ERC2: variants seen among roughly 807,000 people sequenced by gnomAD.
ERC2 encodes ERC protein 2.
Under a neutral mutation model 114.8 loss-of-function variants are expected in ERC2, and 42 were observed. That is an observed-to-expected ratio of 0.37 (90% CI 0.29 to 0.47). The LOEUF (loss-of-function observed/expected upper bound fraction) is 0.47. Among genes scored for constraint, ERC2 ranks in the 20% least tolerant of loss-of-function variants. The pLI is 0.99. For synonymous variants in ERC2, 454 were observed against 425.5 expected (o/e 1.07, Z -0.82); for missense variants, 939 against 1,150.7 (o/e 0.82, Z 2.66).
chr3:55,728,859 G>T (rs775920448), intron 15 of ERC2, among the ~76,000 whole-genome samples: 13 of 152,184 alleles, frequency 8.5e-5, no homozygotes, highest in Non-Finnish European at 1.5e-4. Flanking sequence ...TTTGTCATCA[G>T]CCCTACTCCC....
chr3:55,629,020 G>C (rs1350541892), intron 17 of ERC2, among the ~76,000 whole-genome samples: 1 of 152,146 alleles, frequency 6.6e-6, no homozygotes, highest in Non-Finnish European at 1.5e-5. Flanking sequence ...TTGGGACTAA[G>C]AAGCAGAGAT....
At chr3:55,912,064 G>C (rs1158893880) in intron 13 of ERC2, among the ~76,000 whole-genome samples, 2 of 152,176 alleles carry the variant, frequency 1.3e-5, no homozygotes, top group Non-Finnish European at 2.9e-5. Flanking sequence ...AATCAGGAAG[G>C]CTGTATGAGT....
At chr3:55,689,540 T>A (rs2062522931) in intron 16 of ERC2, among the ~76,000 whole-genome samples, 2 of 152,198 alleles carry the variant, frequency 1.3e-5, no homozygotes, top group Admixed American at 1.3e-4. Context: ...CGCTCCTTCA[T>A]CGATCAGTCA....
intron 6 of ERC2, among the ~76,000 whole-genome samples, chr3:56,123,378 T>C (rs1401415247): frequency 6.6e-6 from 1 of 151,740 alleles, no homozygotes; most frequent in Non-Finnish European, 1.5e-5. Context: ...ACCAGAAAAC[T>C]GGCACTCCCC....
At chr3:56,340,762 A>G (rs1022655935) in intron 2 of ERC2, among the ~76,000 whole-genome samples, 26 of 152,308 alleles carry the variant, frequency 1.7e-4, no homozygotes, top group African/African-American at 5.8e-4. Flanking sequence ...CTCAACAGAC[A>G]TCTTCCTTTA....
intron 13 of ERC2, among the ~76,000 whole-genome samples, chr3:55,917,235 T>C (rs2065150825): frequency 6.6e-6 from 1 of 152,170 alleles, no homozygotes; most frequent in African/African-American, 2.4e-5. Flanking sequence ...ATACACTTTC[T>C]AACAAGATTT....
chr3:55,914,232 T>C (rs775378967), intron 13 of ERC2, among the ~76,000 whole-genome samples: 2 of 152,166 alleles, frequency 1.3e-5, no homozygotes, highest in Non-Finnish European at 2.9e-5. Context: ...GTTTTTTCTG[T>C]ATGGGCTAGT....
Position 55,923,363 on chromosome 3 carries a change from G to C in ERC2, c.2403+27062C>G, listed in dbSNP as rs1336313769. On this transcript the variant is annotated intron_variant, in intron 13 of 17. Transcript: ENST00000288221. ...TCATAAAGCCAGAAAATAAAACACA[G>C]GTTGCCAGGGACCAGGGGTATGAGG... Among the ~76,000 whole-genome samples, 16 of 152,114 alleles carry C rather than the reference G, an allele frequency of 1.1e-4. No homozygotes were observed. The East Asian group carries it at 3.1e-3, about 29-fold the overall frequency.
Position 56,191,760 on chromosome 3 carries a change from C to A in ERC2, c.1075-18240G>T, listed in dbSNP as rs116028598. Among the ~76,000 whole-genome samples the A allele has an allele frequency of 4.8e-3, 737 of 152,226 alleles. 9 individuals carry two copies. The highest frequency in any genetic ancestry group is 0.016 in the African/African-American group (679 of 41,528). On this transcript the variant is annotated intron_variant, in intron 3 of 17. Coordinates refer to ENST00000288221, the MANE Select transcript of ERC2 (RefSeq NM_015576.3). Reference sequence around the variant, plus strand: ...TCACACTCACCCACATACACTCCCCCACCCCAGACACCAGGTTCACACTTA... The same window carrying A: ...TCACACTCACCCACATACACTCCCCAACCCCAGACACCAGGTTCACACTTA...
intron 7 of ERC2, among the ~76,000 whole-genome samples, chr3:56,050,621 C>T (rs929197210): frequency 6.6e-6 from 1 of 152,186 alleles, no homozygotes; most frequent in Non-Finnish European, 1.5e-5. Flanking sequence ...CTTCTTTTCT[C>T]CTTTCTCTGA....
chr3:55,849,849 A>C (rs1270080615), intron 14 of ERC2, among the ~76,000 whole-genome samples: 1 of 152,182 alleles, frequency 6.6e-6, no homozygotes, highest in Non-Finnish European at 1.5e-5. Context: ...TTCACCTTAA[A>C]AACAACAACA....
At chr3:56,147,397 A>T (rs778154995) in intron 5 of ERC2, among the ~76,000 whole-genome samples, 5 of 152,148 alleles carry the variant, frequency 3.3e-5, no homozygotes, top group Non-Finnish European at 7.4e-5. Context: ...CAATCTCAAC[A>T]TCTAGTTAGA....
At chr3:56,157,247 T>C (rs1470038937) in intron 4 of ERC2, among the ~76,000 whole-genome samples, 1 of 152,166 alleles carries the variant, frequency 6.6e-6, no homozygotes, top group Non-Finnish European at 1.5e-5. Context: ...TCTGGTTCTT[T>C]CTTCCACAGT....
chr3:55,842,720 AAG>A (rs1434381149), intron 14 of ERC2, among the ~76,000 whole-genome samples: 1 of 152,002 alleles, frequency 6.6e-6, no homozygotes, highest in Non-Finnish European at 1.5e-5. Flanking sequence ...GTTAAAAAAA[AAG>A]AACAATTTTT....
intron 17 of ERC2, among the ~76,000 whole-genome samples, chr3:55,512,334 C>T (rs1043067808): frequency 3.3e-5 from 5 of 151,900 alleles, no homozygotes; most frequent in African/African-American, 1.2e-4. Context: ...TGAATCGGGG[C>T]AAAAAAATGA....
intron 14 of ERC2, among the ~76,000 whole-genome samples, chr3:55,743,240 A>G (rs2066080412): frequency 6.6e-6 from 1 of 152,204 alleles, no homozygotes; most frequent in Non-Finnish European, 1.5e-5. Flanking sequence ...TGCATGAGCC[A>G]GGGAGGTGGC....
intron 2 of ERC2, among the ~76,000 whole-genome samples, chr3:56,388,819 C>T (rs2060026907): frequency 1.3e-5 from 2 of 152,176 alleles, no homozygotes; most frequent in Admixed American, 6.6e-5. Context: ...TGAACCCTAA[C>T]AGCAACTCAG....
intron 2 of ERC2, among the ~76,000 whole-genome samples, chr3:56,369,014 G>T (rs2059260715): frequency 6.6e-6 from 1 of 152,166 alleles, no homozygotes. Context: ...AGATCCTCTA[G>T]AAGTCGCCAG....
intron 2 of ERC2, among the ~76,000 whole-genome samples, chr3:56,380,010 G>T (rs2059688514): frequency 6.6e-6 from 1 of 152,042 alleles, no homozygotes; most frequent in South Asian, 2.1e-4. Flanking sequence ...CCTGTGCATT[G>T]CAGGATGTTG....
Sources: allele counts gnomAD v4.1 joint callset (sites outside exome capture counted in the v4.1 genomes callset), GRCh38; gene constraint gnomAD v4.1.1; transcripts MANE v1.5; gene names NCBI Gene and HGNC (gene_info 2026-07-23, HGNC 2026-07-21).